The following NBAS variants were observed in gnomAD, a reference collection of about 807,000 sequenced individuals.
NBAS encodes the protein NAG/BC035112 fusion.
NBAS carries 219 observed loss-of-function variants against 302.5 expected under a neutral mutation model. The ratio of observed to expected loss-of-function variants is 0.72; its 90% CI spans 0.65 to 0.81. The LOEUF (loss-of-function observed/expected upper bound fraction) is 0.81, where lower values mean the gene tolerates loss of function less well. Among genes scored for constraint, NBAS ranks in the 30% least tolerant of loss-of-function variants. The pLI is 0.00. For missense variants in NBAS, 2,932 were observed against 2,841.6 expected (o/e 1.03, Z -0.72); for synonymous variants, 1,118 against 1,021.6 (o/e 1.09, Z -1.80).
the NBAS span, among the ~76,000 whole-genome samples, chr2:14,814,725 G>T: frequency 6.6e-6 from 1 of 152,284 alleles, no homozygotes; most frequent in East Asian, 1.9e-4. Context: ...GACTTTGGGG[G>T]GATTGTTGGA....
chr2:15,435,408 A>G (rs1190850663), intron 21 of NBAS, among the ~76,000 whole-genome samples: 1 of 152,248 alleles, frequency 6.6e-6, no homozygotes, highest in Non-Finnish European at 1.5e-5. Flanking sequence ...CAGCCTATGT[A>G]TAATACTTAT....
chr2:15,379,433 T>C (rs556837740), intron 30 of NBAS, among the ~76,000 whole-genome samples, 169 bp downstream of exon 30: 1 of 36,020 alleles, frequency 2.8e-5, no homozygotes, highest in East Asian at 2.9e-4. Context: ...TGATGGACAT[T>C]CATAACATAG....
chr2:14,812,642 G>C, the NBAS span, among the ~76,000 whole-genome samples: 4 of 152,132 alleles, frequency 2.6e-5, no homozygotes, highest in Non-Finnish European at 5.9e-5. Flanking sequence ...ATGGAAAGAA[G>C]GAAGAAGACA....
chr2:15,333,265 C>T (rs1050867188), intron 35 of NBAS, among the ~76,000 whole-genome samples: 32 of 152,022 alleles, frequency 2.1e-4, no homozygotes, highest in African/African-American at 5.3e-4. Context: ...TTCTGAAACA[C>T]GGCAAAATAG....
chr2:15,117,529 A>T, the NBAS span, among the ~76,000 whole-genome samples: 1 of 152,182 alleles, frequency 6.6e-6, no homozygotes, highest in Non-Finnish European at 1.5e-5. Flanking sequence ...CTTGTCCTAG[A>T]GGAAAAAAGT....
the NBAS span, among the ~76,000 whole-genome samples, chr2:14,961,459 C>T: frequency 6.6e-6 from 1 of 151,952 alleles, no homozygotes; most frequent in Non-Finnish European, 1.5e-5. Context: ...CCCTCTCTGC[C>T]CATGTGATCA....
chr2:14,924,834 A>G, the NBAS span, among the ~76,000 whole-genome samples: 12 of 152,158 alleles, frequency 7.9e-5, no homozygotes, highest in Non-Finnish European at 2.9e-5. Context: ...TTATTTCTGC[A>G]GGGAAAGGCC....
chr2:15,299,397 T>G lies in NBAS; in HGVS notation c.4798-6631A>C, dbSNP rs73917929. ...GACAACAAAATGCTCAATGACTTAA[T>G]CTACTGCTTACTACTAGAGGTAATA... On this transcript the variant is annotated intron_variant, in intron 40 of 51. Coordinates refer to ENST00000281513, the MANE Select transcript of NBAS (RefSeq NM_015909.4). 8.4e-3 allele frequency among the ~76,000 whole-genome samples: 1,272 copies of G among 152,308 alleles called. 22 individuals are homozygous for G. Among genetic ancestry groups the G allele is most frequent in the African/African-American group, 0.029 (1,213 of 41,568 alleles).
chr2:14,961,183 C>T, the NBAS span, among the ~76,000 whole-genome samples: 2 of 152,088 alleles, frequency 1.3e-5, no homozygotes, highest in Non-Finnish European at 1.5e-5. Flanking sequence ...TTGCAGCTCT[C>T]AGGAGAGCAA....
Position 15,352,520 on chromosome 2 carries a change from T to C in NBAS, c.4090-439A>G, listed in dbSNP as rs189100299. ...CCAAGGGAGGGATTTGAAGGACAAG[T>C]GCGGGTTTTGACCTTTGGCTTAGAG... On this transcript the variant is annotated intron_variant, in intron 34 of 51. Transcript: ENST00000281513. 1.8e-3 allele frequency among the ~76,000 whole-genome samples: 280 copies of C among 152,226 alleles called. 1 individual carries two copies. Among genetic ancestry groups the C allele is most frequent in the Admixed American group, 3.3e-3 (50 of 15,290 alleles).
At chr2:15,535,008 A>G (rs1051279388) in intron 8 of NBAS, among the ~76,000 whole-genome samples, 7 of 152,364 alleles carry the variant, frequency 4.6e-5, no homozygotes, top group Admixed American at 3.9e-4. Context: ...ATGGATTTCT[A>G]AAATCATGAG....
chr2:15,427,396 T>C (rs927107513), intron 22 of NBAS, among the ~76,000 whole-genome samples: 2 of 152,024 alleles, frequency 1.3e-5, no homozygotes, highest in South Asian at 4.2e-4. Flanking sequence ...AAGAACAAAA[T>C]TGCATACATA....
At chr2:15,029,578 C>T in the NBAS span, among the ~76,000 whole-genome samples, 240 of 152,290 alleles carry the variant, frequency 1.6e-3, 11 homozygotes, top group South Asian at 0.047. Flanking sequence ...CGGAAGAACA[C>T]GCATGCGTAT....
chr2:15,398,023 T>C (rs1675954516), intron 26 of NBAS, among the ~76,000 whole-genome samples: 3 of 152,340 alleles, frequency 2.0e-5, no homozygotes, highest in South Asian at 4.1e-4. Flanking sequence ...GAGTGGGATA[T>C]AGTCTACTTA....
In NBAS at chr2:15,468,434, C is replaced by G; in HGVS notation, c.1825G>C (p.Gly609Arg). The stretch of plus-strand genomic sequence containing the variant: ...GCTAAAAGAGCCTCCAGGTCTGTGC[C>G]TTTTAATCCATACTGAAGCAGTTCT... ...AKELLQYGLKGTDLEALLAIG... is the reference protein window; with the variant it reads ...AKELLQYGLKRTDLEALLAIG... The change falls in exon 17 of 52, where the codon GGC (glycine) becomes CGC (arginine). Residue 609 changes from glycine to arginine, a missense_variant. Physicochemically the swap from Gly to Arg is moderately radical, Grantham distance 125. Coordinates refer to ENST00000281513, the MANE Select transcript of NBAS (RefSeq NM_015909.4). 1 of 1,614,068 alleles carries G rather than the reference C, an allele frequency of 6.2e-7. No individual in the cohort carries two copies. The highest frequency in any genetic ancestry group is 8.5e-7 in the Non-Finnish European group (1 of 1,179,976).
rs1274605522 is a variant in NBAS, at chr2:15,475,597, AAGAT to A, written c.1341+86_1341+89del. 5.6e-6 allele frequency: 7 copies of A among 1,252,264 alleles called. No individual in the cohort carries two copies. In the Admixed American group the frequency reaches 1.3e-4, roughly 24 times the overall value. The allele number at this position is 1,252,264 out of a possible 1,614,324, so 77.6% of individuals were successfully genotyped here. On this transcript the variant is annotated intron_variant, in intron 14 of 51. Transcript: ENST00000281513. ...ATCACAGATTTTTATTTTTAAAGAA[AAGAT>A]AATAAGACAACTCAAATAAAAACCA... is the stretch of plus-strand genomic sequence containing the variant.
At chr2:15,451,642 T>C (rs932685528) in intron 21 of NBAS, among the ~76,000 whole-genome samples, 2 of 152,184 alleles carry the variant, frequency 1.3e-5, no homozygotes, top group Non-Finnish European at 2.9e-5. Context: ...TTTAATAATA[T>C]GAATATTGAT....
intron 51 of NBAS, among the ~76,000 whole-genome samples, chr2:15,168,304 C>T (rs1664129770): frequency 6.6e-6 from 1 of 152,176 alleles, no homozygotes; most frequent in South Asian, 2.1e-4. Context: ...ATGTGCTCTT[C>T]CTGCATGTTC....
At chr2:15,074,771 A>T in the NBAS span, among the ~76,000 whole-genome samples, 4 of 152,234 alleles carry the variant, frequency 2.6e-5, no homozygotes, top group South Asian at 8.3e-4. Flanking sequence ...AGCTCTTACA[A>T]ATATGGAAAA....
Sources: allele counts gnomAD v4.1 joint callset (sites outside exome capture counted in the v4.1 genomes callset), GRCh38; gene constraint gnomAD v4.1.1; transcripts MANE v1.5; gene names NCBI Gene and HGNC (gene_info 2026-07-23, HGNC 2026-07-21).